Variants in CAPN8 observed in about 807,000 individuals in gnomAD.
The protein encoded by CAPN8 is calpain 8.
Under a neutral mutation model 80.9 loss-of-function variants are expected in CAPN8, and 87 were observed. That is an observed-to-expected ratio of 1.07 (90% confidence interval 0.90 to 1.28). The LOEUF is 1.28. Ranked by LOEUF, CAPN8 falls within the 50% of genes most tolerant of loss-of-function variation. The probability of loss-of-function intolerance (pLI) is 0.00; values close to 1 mark genes in which losing one functional copy is unlikely to be tolerated. For synonymous variants in CAPN8, 299 were observed against 273.8 expected, an observed-to-expected ratio of 1.09 and a Z score of -0.91; for missense variants, 757 against 702.0, an observed-to-expected ratio of 1.08 and a Z score of -0.89.
intron 11 of CAPN8, among the ~76,000 whole-genome samples, chr1:223,611,789 C>A (rs1156273324): frequency 6.6e-6 from 1 of 152,222 alleles, no homozygotes; most frequent in Admixed American, 6.5e-5. Flanking sequence ...AGCCTTGGAT[C>A]AAGGCATACA....
At position 223,613,102 on chromosome 1, in the gene CAPN8, C is replaced by A. The variant is rs551282116; in HGVS notation, c.1312-845G>T. ...GAGGATTCAGACCCCATAATTTGTC[C>A]CTTTCCATTCTTTGTCCCTGACACA... On this transcript the variant is annotated intron_variant, in intron 10 of 20. Transcript: ENST00000366872. 7.2e-5 allele frequency among the ~76,000 whole-genome samples: 11 copies of A among 152,272 alleles called. 1 individual carries two copies. In the South Asian group the frequency reaches 2.3e-3, roughly 32 times the overall value.
intron 2 of CAPN8, among the ~76,000 whole-genome samples, chr1:223,651,736 G>T (rs565137927): frequency 2.1e-4 from 32 of 152,346 alleles, no homozygotes; most frequent in African/African-American, 7.7e-4. Flanking sequence ...CCGACAGAGT[G>T]TAACACTTGG....
Position 223,642,030 on chromosome 1 carries a change from A to G in CAPN8, c.307+12300T>C, listed in dbSNP as rs577442672. On this transcript the variant is annotated intron_variant, in intron 2 of 20. Coordinates refer to ENST00000366872, the MANE Select transcript of CAPN8 (RefSeq NM_001143962.2). The stretch of plus-strand genomic sequence containing the variant: ...TACTTGTAAATTAAGAACCTGGCAC[A>G]CCTTACTAGAACATCGTCCTCCTTT... Among the ~76,000 whole-genome samples, 18 of 152,252 alleles carry G rather than the reference A, an allele frequency of 1.2e-4. No homozygotes were observed. In the South Asian group the frequency reaches 3.1e-3, roughly 26 times the overall value.
At chr1:223,619,822 T>G (rs1198512611) in intron 8 of CAPN8, among the ~76,000 whole-genome samples, 2 of 152,200 alleles carry the variant, frequency 1.3e-5, no homozygotes, top group African/African-American at 2.4e-5. Flanking sequence ...AGCTAAGCCG[T>G]ACCATATTCA....
chr1:223,552,761 A>G lies in CAPN8; in HGVS notation c.1641+1071T>C, dbSNP rs1245315749. Among the ~76,000 whole-genome samples, 3 of 152,072 alleles carry G rather than the reference A, an allele frequency of 2.0e-5. No individual in the cohort carries two copies. The East Asian group carries it at 5.8e-4, about 29-fold the overall frequency. On this transcript the variant is annotated intron_variant, in intron 14 of 20. Transcript: ENST00000366872. ...AGGCCACTTTACAAGCCGAGCAAGG[A>G]GAGTGACCAATACTGCCCCATGCAG... is the stretch of plus-strand genomic sequence containing the variant.
chr1:223,658,791 GT>G (rs1025926192), intron 1 of CAPN8, among the ~76,000 whole-genome samples: 4 of 152,102 alleles, frequency 2.6e-5, no homozygotes, highest in Non-Finnish European at 4.4e-5. Flanking sequence ...GGGTGATGGA[GT>G]GAAATTCTGT....
chr1:223,619,972 G>A (rs1657334576), intron 8 of CAPN8, among the ~76,000 whole-genome samples: 1 of 152,198 alleles, frequency 6.6e-6, no homozygotes, highest in Non-Finnish European at 1.5e-5. Flanking sequence ...AAGACAGGCT[G>A]ATAGCTAAGC....
intron 2 of CAPN8, chr1:223,642,637 A>G (rs1658075760): frequency 2.7e-6 from 1 of 372,308 alleles, no homozygotes; most frequent in Non-Finnish European, 5.2e-6. Context: ...AAAGAACAGG[A>G]AAGGCTGACG....
rs1476652860 is a variant in CAPN8, at chr1:223,553,916, T to C, written c.1573-16A>G. 1.5e-5 allele frequency: 6 copies of C among 398,480 alleles called. No individual in the cohort carries two copies. Among genetic ancestry groups the C allele is most frequent in the African/African-American group, 1.2e-4 (6 of 48,616 alleles). 24.7% of individuals were successfully genotyped at this position (398,480 alleles called of 1,614,324 possible). On this transcript the variant is annotated splice_polypyrimidine_tract_variant and intron_variant, in intron 13 of 20. Coordinates refer to ENST00000366872, the MANE Select transcript of CAPN8 (RefSeq NM_001143962.2). ...TGGGATGTGGCTAAAAAGAAGGACA[T>C]TTGCAAAGTTAAAATGGGAATCGTC...
chr1:223,547,999 C>T (rs1656670526), intron 16 of CAPN8, among the ~76,000 whole-genome samples: 1 of 152,234 alleles, frequency 6.6e-6, no homozygotes, highest in Non-Finnish European at 1.5e-5. Flanking sequence ...GACTGAAGCT[C>T]AGAGGCCAAA....
intron 15 of CAPN8, among the ~76,000 whole-genome samples, chr1:223,550,508 G>A (rs1412662689): frequency 2.6e-5 from 4 of 152,110 alleles, no homozygotes; most frequent in Non-Finnish European, 5.9e-5. Context: ...TGAAGATGGG[G>A]AACTGAGGAC....
intron 2 of CAPN8, among the ~76,000 whole-genome samples, chr1:223,648,719 C>T (rs1297863550): frequency 6.6e-6 from 1 of 152,102 alleles, no homozygotes; most frequent in East Asian, 1.9e-4. Context: ...CTTTACAAAA[C>T]AGAAATACAG....
At chr1:223,618,315 C>A in intron 9 of CAPN8, 1 of 1,549,992 alleles carries the variant, frequency 6.5e-7, no homozygotes, top group Non-Finnish European at 8.7e-7. Context: ...CTTCTGCGAG[C>A]CAGGAAAGCT....
At chr1:223,629,232 T>TGTGTGTG (rs68132305) in intron 2 of CAPN8, among the ~76,000 whole-genome samples, 4,377 of 132,548 alleles carry the variant, frequency 0.033, 145 homozygotes, top group African/African-American at 0.077. Context: ...GTGTGTGTGT[T>TGTGTGTG]TATGTTCCTT....
chr1:223,637,194 C>G (rs1657915994), intron 2 of CAPN8, among the ~76,000 whole-genome samples: 1 of 152,198 alleles, frequency 6.6e-6, no homozygotes, highest in Admixed American at 6.5e-5. Flanking sequence ...ATACAGATGC[C>G]AACCCACTGT....
chr1:223,654,544 G>A, intron 1 of CAPN8, 145 bp from the exon 2 acceptor site: 1 of 718,268 alleles, frequency 1.4e-6, no homozygotes, highest in Admixed American at 2.2e-5. Context: ...TATTGCTGAG[G>A]ACTCTGAAGC....
intron 16 of CAPN8, among the ~76,000 whole-genome samples, chr1:223,545,885 G>A (rs1656608692): frequency 1.4e-5 from 2 of 139,368 alleles, no homozygotes; most frequent in Admixed American, 7.6e-5. Context: ...GTACAGTGGT[G>A]TGATCTCAGC....
intron 7 of CAPN8, among the ~76,000 whole-genome samples, chr1:223,621,018 T>C (rs1657374498): frequency 6.6e-6 from 1 of 150,708 alleles, no homozygotes; most frequent in African/African-American, 2.4e-5. Flanking sequence ...CTAAGCACCT[T>C]CTCTCCCCAG....
intron 7 of CAPN8, among the ~76,000 whole-genome samples, chr1:223,622,052 C>A (rs1479982190): frequency 1.3e-5 from 2 of 152,084 alleles, no homozygotes; most frequent in Non-Finnish European, 2.9e-5. Context: ...GTGATCCACC[C>A]GCCTAGGCCT....
Sources: gnomAD v4.1 joint callset for allele counts (sites outside exome capture counted in the v4.1 genomes callset) on GRCh38, gnomAD v4.1.1 for gene constraint, MANE v1.5 for transcripts, NCBI Gene and HGNC (gene_info 2026-07-23, HGNC 2026-07-21) for gene names.